Variants in KSR2 observed in about 807,000 individuals in gnomAD.
KSR2 encodes kinase suppressor of ras 2.
Under a neutral mutation model 107.8 loss-of-function variants are expected in KSR2, and 25 were observed. The observed-to-expected ratio is 0.23, with a 90% confidence interval of 0.17 to 0.32. The LOEUF is 0.32. Among genes scored for constraint, KSR2 ranks in the 10% least tolerant of loss-of-function variants. KSR2 has a pLI of 1.00. For synonymous variants in KSR2, 480 were observed against 507.0 expected, an observed-to-expected ratio of 0.95 and a Z score of 0.71; for missense variants, 887 against 1,268.9, an observed-to-expected ratio of 0.70 and a Z score of 4.57.
intron 19 of KSR2, among the ~76,000 whole-genome samples, chr12:117,469,131 A>G (rs1443820910): frequency 6.6e-6 from 1 of 152,208 alleles, no homozygotes; most frequent in East Asian, 1.9e-4. Context: ...TCCAGCCAGA[A>G]ACAAGGGGGA....
At chr12:117,937,743 G>A (rs1259320748) in intron 1 of KSR2, among the ~76,000 whole-genome samples, 1 of 151,008 alleles carries the variant, frequency 6.6e-6, no homozygotes, top group Non-Finnish European at 1.5e-5. Context: ...TGGATCACTT[G>A]AGGTCAGGAG....
chr12:117,865,995 C>G (rs1050551219), intron 1 of KSR2, among the ~76,000 whole-genome samples: 1 of 151,246 alleles, frequency 6.6e-6, no homozygotes, highest in African/African-American at 2.4e-5. Flanking sequence ...GATACTATGT[C>G]TTTAACAACT....
intron 3 of KSR2, among the ~76,000 whole-genome samples, chr12:117,829,894 C>T (rs1416519704): frequency 6.6e-6 from 1 of 152,226 alleles, no homozygotes; most frequent in African/African-American, 2.4e-5. Context: ...AGCAAGTCTT[C>T]CTCTATTTTC....
At chr12:117,622,188 A>G (rs1300372413) in intron 5 of KSR2, among the ~76,000 whole-genome samples, 2 of 151,896 alleles carry the variant, frequency 1.3e-5, no homozygotes, top group East Asian at 1.9e-4. Context: ...CTGCACTTCT[A>G]TATTTTTTTT....
At chr12:117,729,101 A>T (rs893005048) in intron 4 of KSR2, among the ~76,000 whole-genome samples, 1 of 152,084 alleles carries the variant, frequency 6.6e-6, no homozygotes, top group African/African-American at 2.4e-5. Context: ...GTGTTTTTCA[A>T]ATGCCATGGC....
At chr12:117,676,780 C>A (rs140446435) in intron 4 of KSR2, among the ~76,000 whole-genome samples, 1 of 152,126 alleles carries the variant, frequency 6.6e-6, no homozygotes, top group African/African-American at 2.4e-5. Context: ...TCTGACCCAA[C>A]GATTTTACTC....
chr12:117,926,210 C>T (rs1895514066), intron 1 of KSR2, among the ~76,000 whole-genome samples: 1 of 152,088 alleles, frequency 6.6e-6, no homozygotes, highest in South Asian at 2.1e-4. Flanking sequence ...AGAAAAATAA[C>T]AACCGAGAAA....
chr12:117,755,378 G>A (rs573547408), intron 4 of KSR2, among the ~76,000 whole-genome samples: 1 of 152,284 alleles, frequency 6.6e-6, no homozygotes, highest in Non-Finnish European at 1.5e-5. Context: ...TCATGCCTCT[G>A]TGTCACATTT....
At chr12:117,502,048 C>T (rs1873409637) in intron 14 of KSR2, among the ~76,000 whole-genome samples, 1 of 152,230 alleles carries the variant, frequency 6.6e-6, no homozygotes, top group South Asian at 2.1e-4. Flanking sequence ...ACTGTCACCA[C>T]ACAAGGAATC....
intron 3 of KSR2, among the ~76,000 whole-genome samples, chr12:117,844,591 G>A (rs1420452754): frequency 6.6e-6 from 1 of 151,914 alleles, no homozygotes; most frequent in Non-Finnish European, 1.5e-5. Flanking sequence ...TGACATCACA[G>A]CCCAAATTTC....
At chr12:117,689,702 C>T (rs1885736789) in intron 4 of KSR2, among the ~76,000 whole-genome samples, 1 of 135,172 alleles carries the variant, frequency 7.4e-6, no homozygotes, top group Non-Finnish European at 1.6e-5. Context: ...TATAGTATGA[C>T]CGTATTTATA....
intron 4 of KSR2, among the ~76,000 whole-genome samples, chr12:117,741,614 C>CTA (rs1408497690): frequency 1.3e-5 from 2 of 152,288 alleles, no homozygotes; most frequent in African/African-American, 2.4e-5. Context: ...TTACAGTGAG[C>CTA]TATGATTGTA....
chr12:117,790,548 T>G (rs968666094), intron 3 of KSR2, among the ~76,000 whole-genome samples: 4 of 152,146 alleles, frequency 2.6e-5, no homozygotes, highest in African/African-American at 9.7e-5. Context: ...CAGCTACCCA[T>G]TTACATTGCC....
chr12:117,617,435 C>A (rs554996381), intron 5 of KSR2, among the ~76,000 whole-genome samples: 27 of 152,066 alleles, frequency 1.8e-4, no homozygotes, highest in Non-Finnish European at 2.9e-4. Flanking sequence ...TGCTGTAATT[C>A]TCTATCTAGT....
At chr12:117,603,671 G>A (rs1218846919) in intron 5 of KSR2, among the ~76,000 whole-genome samples, 1 of 152,182 alleles carries the variant, frequency 6.6e-6, no homozygotes, top group East Asian at 1.9e-4. Flanking sequence ...TGGCCAAAAG[G>A]GGCAAAATGA....
intron 9 of KSR2, among the ~76,000 whole-genome samples, chr12:117,540,693 G>T (rs1435763514): frequency 6.6e-6 from 1 of 151,960 alleles, no homozygotes; most frequent in African/African-American, 2.4e-5. Flanking sequence ...ATGTGAAGAT[G>T]GAGGGAGAGA....
chr12:117,903,303 G>C (rs897716679), intron 1 of KSR2, among the ~76,000 whole-genome samples: 8 of 152,160 alleles, frequency 5.3e-5, no homozygotes, highest in African/African-American at 1.9e-4. Flanking sequence ...CACAGCAAAG[G>C]AATAGAACAG....
chr12:117,604,902 G>GC (rs1786715249), intron 5 of KSR2, among the ~76,000 whole-genome samples: 4 of 152,056 alleles, frequency 2.6e-5, no homozygotes, highest in African/African-American at 9.7e-5. Context: ...CAGGGCCACT[G>GC]CATTTTCTCA....
At chr12:117,840,908 A>G (rs957138762) in intron 3 of KSR2, among the ~76,000 whole-genome samples, 1 of 151,860 alleles carries the variant, frequency 6.6e-6, no homozygotes, top group East Asian at 2.0e-4. Flanking sequence ...AGGCTGAGGC[A>G]GGAGAATTGC....
Sources: gnomAD v4.1 joint callset for allele counts (sites outside exome capture counted in the v4.1 genomes callset) on GRCh38, gnomAD v4.1.1 for gene constraint, MANE v1.5 for transcripts, NCBI Gene and HGNC (gene_info 2026-07-23, HGNC 2026-07-21) for gene names.